The following SDK1 variants were observed in gnomAD, a reference collection of about 807,000 sequenced individuals.
SDK1 encodes sidekick cell adhesion molecule 1, also known as protein sidekick-1.
Under a neutral mutation model 245.5 loss-of-function variants are expected in SDK1, and 157 were observed. The ratio of observed to expected loss-of-function variants is 0.64; its 90% CI spans 0.56 to 0.73. The LOEUF is 0.73. Among genes scored for constraint, SDK1 ranks in the 30% least tolerant of loss-of-function variants. The probability of loss-of-function intolerance (pLI) is 0.00; values close to 1 mark genes in which losing one functional copy is unlikely to be tolerated. For synonymous variants in SDK1, 1,647 were observed against 1,278.5 expected, an observed-to-expected ratio of 1.29 and a Z score of -6.15; for missense variants, 3,583 against 3,002.3, an observed-to-expected ratio of 1.19 and a Z score of -4.52.
rs181690800 is a variant in SDK1, at chr7:3,698,902, G to A, written c.713+56797G>A. Reference sequence around the variant, plus strand: ...ATTAGAGTTTAAGGCTTCAAAATACGAATCAGTTGGGGAGGACACAAAGGA... The same window carrying A: ...ATTAGAGTTTAAGGCTTCAAAATACAAATCAGTTGGGGAGGACACAAAGGA... On this transcript the variant is annotated intron_variant, in intron 4 of 44. Coordinates refer to ENST00000404826, the MANE Select transcript of SDK1 (RefSeq NM_152744.4). Among the ~76,000 whole-genome samples the A allele has an allele frequency of 1.4e-4, 21 of 152,220 alleles. No individual in the cohort carries two copies. The East Asian group carries it at 2.7e-3, about 20-fold the overall frequency.
chr7:3,868,190 A>G (rs1780868178), intron 5 of SDK1, among the ~76,000 whole-genome samples: 2 of 152,220 alleles, frequency 1.3e-5, no homozygotes, highest in South Asian at 2.1e-4. Flanking sequence ...GTAACCTGTC[A>G]TCACCCACTA....
At chr7:3,549,644 C>A (rs1779338663) in intron 1 of SDK1, among the ~76,000 whole-genome samples, 1 of 151,976 alleles carries the variant, frequency 6.6e-6, no homozygotes, top group South Asian at 2.1e-4. Context: ...TTTTTTTTCC[C>A]TACTTTTTAG....
chr7:3,829,770 A>G (rs537712559), intron 5 of SDK1, among the ~76,000 whole-genome samples: 2 of 152,314 alleles, frequency 1.3e-5, no homozygotes, highest in African/African-American at 4.8e-5. Flanking sequence ...TAAAAAAGGA[A>G]GTCTTCTGTT....
chr7:3,343,752 G>A (rs116218727), intron 1 of SDK1, among the ~76,000 whole-genome samples: 2,379 of 152,108 alleles, frequency 0.016, 56 homozygotes, highest in African/African-American at 0.048. Context: ...ACTTCTATTA[G>A]AAGACAAGAT....
chr7:3,920,133 C>T (rs759813607), intron 5 of SDK1, among the ~76,000 whole-genome samples: 4 of 152,138 alleles, frequency 2.6e-5, no homozygotes, highest in Non-Finnish European at 4.4e-5. Flanking sequence ...CCCACCGGGT[C>T]GTGTCCGGGA....
intron 2 of SDK1, among the ~76,000 whole-genome samples, chr7:3,621,297 A>G (rs976716402): frequency 6.6e-5 from 10 of 152,302 alleles, no homozygotes; most frequent in Non-Finnish European, 1.2e-4. Flanking sequence ...TTGCTCTTCA[A>G]CTTACCGGTG....
In SDK1 at chr7:3,639,103, A is replaced by G; in HGVS notation, c.558A>G (p.Gln186=). 2.5e-6 allele frequency: 4 copies of G among 1,592,608 alleles called. No individual in the cohort carries two copies. The highest frequency in any genetic ancestry group is 3.4e-6 in the Non-Finnish European group (4 of 1,163,594). The change falls in exon 3 of 45, where the codon CAA becomes CAG. Residue 186 remains glutamine (Q), a synonymous_variant. Transcript: ENST00000404826. ...GALLQRKSEV[Q]VAYMGSFMDT... Reference sequence around the variant, plus strand: ...TCCTGCAAAGAAAATCAGAAGTTCAAGTCGCATGTATGTGTACAGTAAGGA... The same window carrying G: ...TCCTGCAAAGAAAATCAGAAGTTCAGGTCGCATGTATGTGTACAGTAAGGA...
intron 1 of SDK1, among the ~76,000 whole-genome samples, chr7:3,522,091 T>A (rs1163308393): frequency 6.6e-6 from 1 of 152,092 alleles, no homozygotes; most frequent in Non-Finnish European, 1.5e-5. Flanking sequence ...ACATAGGCTT[T>A]AAGTGACTAC....
At chr7:3,348,804 A>G (rs1780577973) in intron 1 of SDK1, among the ~76,000 whole-genome samples, 1 of 152,240 alleles carries the variant, frequency 6.6e-6, no homozygotes, top group South Asian at 2.1e-4. Flanking sequence ...GCCAAGTACT[A>G]TGCCTGGAAC....
At chr7:4,131,902 C>T (rs1784849470) in intron 27 of SDK1, among the ~76,000 whole-genome samples, 1 of 152,130 alleles carries the variant, frequency 6.6e-6, no homozygotes, top group Non-Finnish European at 1.5e-5. Flanking sequence ...CTTCAGGCCG[C>T]CTCATCTACC....
At chr7:3,986,669 G>A (rs969164251) in intron 13 of SDK1, among the ~76,000 whole-genome samples, 5 of 152,110 alleles carry the variant, frequency 3.3e-5, no homozygotes, top group African/African-American at 4.8e-5. Context: ...GACCAACCTG[G>A]CCAAGATGGT....
At chr7:4,044,867 C>T (rs868331505) in intron 17 of SDK1, among the ~76,000 whole-genome samples, 10 of 152,168 alleles carry the variant, frequency 6.6e-5, no homozygotes, top group Admixed American at 3.9e-4. Context: ...CATTCACCAG[C>T]GTGACGGAGA....
chr7:4,066,418 T>A (rs1425818623), intron 19 of SDK1, among the ~76,000 whole-genome samples: 1 of 152,164 alleles, frequency 6.6e-6, no homozygotes. Context: ...GAGTGCACTG[T>A]CTCTCTTCCC....
chr7:3,590,667 A>T (rs891579311), intron 1 of SDK1, among the ~76,000 whole-genome samples: 1 of 151,984 alleles, frequency 6.6e-6, no homozygotes, highest in Non-Finnish European at 1.5e-5. Flanking sequence ...TAATAGTCTC[A>T]TCCTTAGCTG....
intron 32 of SDK1, among the ~76,000 whole-genome samples, chr7:4,171,168 T>A (rs1781814413): frequency 1.3e-5 from 2 of 152,134 alleles, no homozygotes. Flanking sequence ...GGCCACAGGG[T>A]GTGGACGGAT....
chr7:4,191,192 C>G (rs565074939), intron 35 of SDK1, among the ~76,000 whole-genome samples: 10 of 151,918 alleles, frequency 6.6e-5, no homozygotes, highest in African/African-American at 2.4e-4. Context: ...CTCATGGCCC[C>G]CAGGCCCTCC....
At chr7:4,201,696 G>C (rs10254751) in intron 35 of SDK1, among the ~76,000 whole-genome samples, 1 of 152,042 alleles carries the variant, frequency 6.6e-6, no homozygotes, top group African/African-American at 2.4e-5. Context: ...CGTGGCTCTA[G>C]TGACAGCAGA....
intron 35 of SDK1, among the ~76,000 whole-genome samples, chr7:4,184,937 C>T (rs555025181): frequency 6.6e-6 from 1 of 152,276 alleles, no homozygotes; most frequent in East Asian, 1.9e-4. Flanking sequence ...ATCAAGGTGG[C>T]CATACAGCCC....
intron 4 of SDK1, among the ~76,000 whole-genome samples, chr7:3,646,985 C>T (rs1782859836): frequency 1.3e-5 from 2 of 152,132 alleles, no homozygotes; most frequent in Admixed American, 1.3e-4. Context: ...TTAATGGGTA[C>T]AGAGTTTCAC....
Sources: allele counts gnomAD v4.1 joint callset (sites outside exome capture counted in the v4.1 genomes callset), GRCh38; gene constraint gnomAD v4.1.1; transcripts MANE v1.5; gene names NCBI Gene and HGNC (gene_info 2026-07-23, HGNC 2026-07-21).